The following RILPL1 variants were observed in gnomAD, a reference collection of about 807,000 sequenced individuals.
RILPL1 encodes Rab interacting lysosomal protein like 1, also known as RILP-like protein 1.
A neutral mutation model predicts 50.3 loss-of-function variants in RILPL1; 33 were observed. The observed-to-expected ratio is 0.66, with a 90% confidence interval of 0.50 to 0.88. The LOEUF (loss-of-function observed/expected upper bound fraction) is 0.88. Ranked by LOEUF, RILPL1 falls within the 40% of genes least tolerant of loss-of-function variation. RILPL1 has a pLI of 0.00. For missense variants in RILPL1, 418 were observed against 542.5 expected, an observed-to-expected ratio of 0.77 and a Z score of 2.28; for synonymous variants, 205 against 228.6, an observed-to-expected ratio of 0.90 and a Z score of 0.93.
At chr12:123,493,972 C>T (rs1444562358) in intron 4 of RILPL1, among the ~76,000 whole-genome samples, 4 of 151,778 alleles carry the variant, frequency 2.6e-5, no homozygotes, top group East Asian at 1.9e-4. Context: ...TTAGTAGAGA[C>T]GGGGGTTTCA....
intron 1 of RILPL1, among the ~76,000 whole-genome samples, chr12:123,527,235 G>A (rs920798260): frequency 6.6e-6 from 1 of 152,122 alleles, no homozygotes; most frequent in Non-Finnish European, 1.5e-5. Context: ...GGAGGCTGAG[G>A]TGGGAGGATC....
Position 123,472,430 on chromosome 12 carries a change from G to C in RILPL1, c.*108C>G, listed in dbSNP as rs1014629039. The C allele has an allele frequency of 1.0e-4, 125 of 1,221,498 alleles. 1 individual carries two copies. Among genetic ancestry groups the C allele is most frequent in the Non-Finnish European group, 3.2e-5 (28 of 878,138 alleles). The allele number at this position is 1,221,498 out of a possible 1,614,324, so 75.7% of individuals were successfully genotyped here. On this transcript the variant is annotated 3_prime_UTR_variant, in exon 7 of 7. Transcript: ENST00000376874. ...GTCTGTTTGAGGGGTCAGTTTTCAGGGTGCATCTGCACCGAGAGGCTTGAG... is the reference window on the plus strand; with the variant it reads ...GTCTGTTTGAGGGGTCAGTTTTCAGCGTGCATCTGCACCGAGAGGCTTGAG...
chr12:123,523,880 A>C (rs976534874), intron 1 of RILPL1, among the ~76,000 whole-genome samples: 4 of 152,214 alleles, frequency 2.6e-5, no homozygotes. Flanking sequence ...CTCAGTTAGA[A>C]CTGCCCCCAA....
chr12:123,484,515 C>G (rs947859214), intron 5 of RILPL1, among the ~76,000 whole-genome samples: 2 of 152,168 alleles, frequency 1.3e-5, no homozygotes, highest in Admixed American at 1.3e-4. Flanking sequence ...ACCTGTCACT[C>G]CTCAACATCT....
At chr12:123,492,850 GT>G (rs34540197) in intron 4 of RILPL1, among the ~76,000 whole-genome samples, 33,498 of 152,128 alleles carry the variant, frequency 0.22, 3,958 homozygotes, top group African/African-American at 0.27. Context: ...GATGTGCTTT[GT>G]TTAAACAGAT....
chr12:123,531,174 T>G (rs140916722), intron 1 of RILPL1, among the ~76,000 whole-genome samples: 1 of 150,418 alleles, frequency 6.6e-6, no homozygotes, highest in East Asian at 2.0e-4. Context: ...AGTAAACGGG[T>G]CTGGGGCTGG....
chr12:123,513,274 G>A (rs888283603), intron 2 of RILPL1: 6 of 298,742 alleles, frequency 2.0e-5, no homozygotes, highest in South Asian at 1.5e-4. Flanking sequence ...CAGTGCCAAA[G>A]CCACAAACTC....
intron 5 of RILPL1, among the ~76,000 whole-genome samples, chr12:123,484,650 CTTTTTTTTTT>C (rs61080090): frequency 1.8e-5 from 2 of 110,146 alleles, no homozygotes; most frequent in Non-Finnish European, 3.6e-5. Context: ...ACTCTCCCAT[CTTTTTTTTTT>C]TTTTTTTTTT....
In RILPL1 at chr12:123,523,659, G is replaced by C; in HGVS notation, c.310-14C>G. 1 of 1,611,080 alleles carries C rather than the reference G, an allele frequency of 6.2e-7. No homozygotes were observed. Among genetic ancestry groups the C allele is most frequent in the Non-Finnish European group, 8.5e-7 (1 of 1,179,282 alleles). On this transcript the variant is annotated splice_polypyrimidine_tract_variant and intron_variant, in intron 1 of 6. Transcript: ENST00000376874. ...CAGCTCCAGCTCCTGCCAAGGCAAG[G>C]GGACAGCATGGGGTCACTGCCTGCC...
chr12:123,493,182 G>A lies in RILPL1; in HGVS notation c.801+5362C>T, dbSNP rs375236946. Among the ~76,000 whole-genome samples, 1,234 of 152,332 alleles carry A rather than the reference G, an allele frequency of 8.1e-3. 17 individuals carry two copies. Among genetic ancestry groups the A allele is most frequent in the African/African-American group, 0.027 (1,138 of 41,566 alleles). On this transcript the variant is annotated intron_variant, in intron 4 of 6. Coordinates refer to ENST00000376874, the MANE Select transcript of RILPL1 (RefSeq NM_178314.5). ...CCATCTACTGAGATAGGGAAAAACCGCCTTAAGGCTGGAGGTGGGACATGC... is the reference window on the plus strand; with the variant it reads ...CCATCTACTGAGATAGGGAAAAACCACCTTAAGGCTGGAGGTGGGACATGC...
In RILPL1 at chr12:123,498,329, C is replaced by T. The variant is rs1041385380; in HGVS notation, c.801+215G>A. On this transcript the variant is annotated intron_variant, in intron 4 of 6. Transcript: ENST00000376874. This position sits in a 1 kb window ranked among gnomAD's most constrained non-coding sequence, Gnocchi z 4.3. ...CTCCTGGGCTCAAGTGATCCTCCTG[C>T]CTAAGCCTCCCAGGCAGGCAGCTGG... Among the ~76,000 whole-genome samples, 1 of 118,558 alleles carries T rather than the reference C, an allele frequency of 8.4e-6. No individual in the cohort carries two copies. The highest frequency in any genetic ancestry group is 4.0e-5 in the African/African-American group (1 of 24,870). The allele number at this position is 118,558 out of a possible 152,430, so 77.8% of individuals were successfully genotyped here. A position where few individuals can be genotyped will look rare whatever the true frequency, so the allele number is the denominator to read the frequency against.
intron 1 of RILPL1, among the ~76,000 whole-genome samples, chr12:123,531,807 C>T (rs1263915361): frequency 1.3e-5 from 2 of 152,134 alleles, no homozygotes; most frequent in African/African-American, 2.4e-5. Context: ...GATCACACAG[C>T]CTGCAAGTGG....
chr12:123,512,483 G>C (rs1245462701), intron 2 of RILPL1, among the ~76,000 whole-genome samples: 2 of 139,404 alleles, frequency 1.4e-5, no homozygotes, highest in African/African-American at 5.4e-5. Flanking sequence ...CTGTGTGTGA[G>C]GTCTGTGTGT....
intron 6 of RILPL1, among the ~76,000 whole-genome samples, chr12:123,477,987 CTTTTTTTT>C (rs56296800): frequency 9.7e-5 from 4 of 41,140 alleles, no homozygotes; most frequent in Admixed American, 4.0e-4. Flanking sequence ...ATCTGTATGT[CTTTTTTTT>C]TTTTTTTTTT....
intron 2 of RILPL1, among the ~76,000 whole-genome samples, chr12:123,501,349 G>A: frequency 6.6e-6 from 1 of 151,898 alleles, no homozygotes; most frequent in East Asian, 1.9e-4. Flanking sequence ...GGAGGCTGAC[G>A]AGGGAGGAAC....
At chr12:123,500,103 T>C (rs2139340869) in intron 2 of RILPL1, among the ~76,000 whole-genome samples, 1 of 152,048 alleles carries the variant, frequency 6.6e-6, no homozygotes, top group South Asian at 2.1e-4. Flanking sequence ...GCTAAATTTT[T>C]GTATTTTTAG....
At chr12:123,512,086 G>GAGGGC (rs1884329993) in intron 2 of RILPL1, among the ~76,000 whole-genome samples, 1 of 130,240 alleles carries the variant, frequency 7.7e-6, no homozygotes, top group Non-Finnish European at 1.6e-5. Context: ...TGTGTGTGTG[G>GAGGGC]TGTGTGTGAG....
At chr12:123,524,215 T>A (rs1306272063) in intron 1 of RILPL1, among the ~76,000 whole-genome samples, 1 of 152,144 alleles carries the variant, frequency 6.6e-6, no homozygotes, top group Non-Finnish European at 1.5e-5. Flanking sequence ...ACGAAGTGAA[T>A]GTGAGGATAA....
chr12:123,528,019 C>G (rs1885320004), intron 1 of RILPL1, among the ~76,000 whole-genome samples: 1 of 152,128 alleles, frequency 6.6e-6, no homozygotes, highest in African/African-American at 2.4e-5. Flanking sequence ...CATATGCCTC[C>G]ATAATACTGT....
Sources: allele counts gnomAD v4.1 joint callset (sites outside exome capture counted in the v4.1 genomes callset), GRCh38; gene constraint gnomAD v4.1.1; non-coding constraint Gnocchi (gnomAD v3.1); transcripts MANE v1.5; gene names NCBI Gene and HGNC (gene_info 2026-07-23, HGNC 2026-07-21).